METTL9: variants seen among roughly 807,000 people sequenced by gnomAD.
The protein encoded by METTL9 is protein-L-histidine N-pros-methyltransferase.
A neutral mutation model predicts 36.0 loss-of-function variants in METTL9; 10 were observed. That is an observed-to-expected ratio of 0.28 (90% CI 0.17 to 0.47). The LOEUF (loss-of-function observed/expected upper bound fraction) is 0.47, where lower values mean the gene tolerates loss of function less well. Among genes scored for constraint, METTL9 ranks in the 20% least tolerant of loss-of-function variants. The pLI is 0.99. For missense variants in METTL9, 246 were observed against 383.5 expected (o/e 0.64, Z 3.00); for synonymous variants, 175 against 149.7 (o/e 1.17, Z -1.23).
chr16:21,654,029 C>G (rs1159274169), intron 4 of METTL9: 1 of 141,588 alleles, frequency 7.1e-6, no homozygotes, highest in African/African-American at 2.7e-5. Flanking sequence ...TATTCTCAGT[C>G]TGTTTTGTTT....
At chr16:21,631,099 T>C (rs901889403) in intron 4 of METTL9, among the ~76,000 whole-genome samples, 1 of 152,160 alleles carries the variant, frequency 6.6e-6, no homozygotes, top group African/African-American at 2.4e-5. Context: ...GATTTTGTTA[T>C]TTCTTGCAAA....
chr16:21,656,504 T>C lies in METTL9; in HGVS notation c.*1072T>C, dbSNP rs1424254443. On this transcript the variant is annotated 3_prime_UTR_variant, in exon 5 of 5. Transcript: ENST00000358154. Reference sequence around the variant, plus strand: ...TGGAATCCGTGAGTGCCTCCAACCATAAACCCAGAAATGCTGCCATAGAGG... The same window carrying C: ...TGGAATCCGTGAGTGCCTCCAACCACAAACCCAGAAATGCTGCCATAGAGG... 6.6e-6 allele frequency: 1 copy of C among 152,100 alleles called. No homozygotes were observed. The highest frequency in any genetic ancestry group is 1.5e-5 in the Non-Finnish European group (1 of 68,018). The allele number at this position is 152,100 out of a possible 1,614,324, so 9.4% of individuals were successfully genotyped here.
intron 4 of METTL9, among the ~76,000 whole-genome samples, chr16:21,645,400 T>A (rs981341864): frequency 1.3e-4 from 20 of 152,028 alleles, no homozygotes; most frequent in African/African-American, 4.6e-4. Flanking sequence ...TTGGTTGCAG[T>A]GAGCTGAGAT....
chr16:21,635,235 G>C (rs990029866), intron 4 of METTL9, among the ~76,000 whole-genome samples: 6 of 152,112 alleles, frequency 3.9e-5, no homozygotes, highest in African/African-American at 1.4e-4. Flanking sequence ...CAGAGAGGGA[G>C]AAGGGGACAT....
rs143053648 is a variant in METTL9, at chr16:21,610,585, C to T, written c.166-2060C>T. Among the ~76,000 whole-genome samples the T allele has an allele frequency of 5.9e-4, 90 of 152,290 alleles. 1 individual carries two copies. In the East Asian group the frequency reaches 0.014, roughly 24 times the overall value. On this transcript the variant is annotated intron_variant, in intron 1 of 4. Transcript: ENST00000358154. ...TTTCTTTCCAGAAAGACCTGTGTGA[C>T]AGTAAGGGTTCAACCACACGTGTTA...
intron 4 of METTL9, among the ~76,000 whole-genome samples, chr16:21,635,054 G>T (rs1340243047): frequency 6.6e-6 from 1 of 151,998 alleles, no homozygotes; most frequent in South Asian, 2.1e-4. Context: ...CCAAACTCTC[G>T]GGCTGCAGCT....
At chr16:21,618,720 CTT>C (rs1335944712) in intron 3 of METTL9, among the ~76,000 whole-genome samples, 1 of 145,954 alleles carries the variant, frequency 6.9e-6, no homozygotes. Flanking sequence ...CTTTTCTTTT[CTT>C]TTTTTTTTTG....
intron 1 of METTL9, 116 bp downstream of exon 1, chr16:21,600,014 C>T: frequency 1.1e-6 from 1 of 927,936 alleles, no homozygotes; most frequent in South Asian, 5.4e-5. Flanking sequence ...CGCCCCTCCG[C>T]CTCGGCCCCT....
intron 4 of METTL9, chr16:21,652,689 C>T: frequency 1.1e-6 from 1 of 946,950 alleles, no homozygotes. Context: ...AAGAGAGGAA[C>T]CTCTTATGAA....
At chr16:21,647,393 G>T in intron 4 of METTL9, 1 of 1,614,118 alleles carries the variant, frequency 6.2e-7, no homozygotes, top group South Asian at 1.1e-5. Context: ...AGGGCATCCG[G>T]TTGCGGAGAA....
intron 3 of METTL9, among the ~76,000 whole-genome samples, chr16:21,622,037 T>G (rs183931517): frequency 3.4e-3 from 519 of 151,626 alleles, no homozygotes; most frequent in Non-Finnish European, 5.3e-3. Context: ...GAGATGGGGT[T>G]TCACTGTGTT....
chr16:21,639,811 C>T (rs1412273813), intron 4 of METTL9: 2 of 152,156 alleles, frequency 1.3e-5, no homozygotes, highest in Non-Finnish European at 2.9e-5. Flanking sequence ...TTTGATATCA[C>T]TGATTTAAAC....
At position 21,655,684 on chromosome 16, in the gene METTL9, C is replaced by G; in HGVS notation, c.*252C>G. On this transcript the variant is annotated 3_prime_UTR_variant, in exon 5 of 5. Transcript: ENST00000358154. ...CAGAGCCACTCTCCAATGCAGGTCA[C>G]ACTCCAATTATGATGGAAGATATTT... 1 of 417,052 alleles carries G rather than the reference C, an allele frequency of 2.4e-6. No individual in the cohort carries two copies. The highest frequency in any genetic ancestry group is 4.3e-6 in the Non-Finnish European group (1 of 233,896). The allele number at this position is 417,052 out of a possible 1,614,324, so 25.8% of individuals were successfully genotyped here.
intron 3 of METTL9, among the ~76,000 whole-genome samples, chr16:21,623,849 C>T (rs374922240): frequency 9.2e-5 from 14 of 152,114 alleles, no homozygotes; most frequent in African/African-American, 3.4e-4. Flanking sequence ...CGGCTCACTG[C>T]AGCCTCCGCC....
At chr16:21,603,965 TC>T (rs58348560) in intron 1 of METTL9, among the ~76,000 whole-genome samples, 3 of 152,060 alleles carry the variant, frequency 2.0e-5, no homozygotes. Flanking sequence ...TCCTTTTTTT[TC>T]CCCCAAATGA....
intron 3 of METTL9, among the ~76,000 whole-genome samples, chr16:21,619,895 A>G (rs1318114918): frequency 2.6e-5 from 4 of 152,150 alleles, no homozygotes; most frequent in Non-Finnish European, 4.4e-5. Context: ...AAATTATGTA[A>G]TCACTCACTT....
At position 21,612,623 on chromosome 16, in the gene METTL9, CTTTTTTTTTT is replaced by C; in HGVS notation, c.166-12_166-3del. ...TCGGTTGTGTGTTTTAATTTTTGTT[CTTTTTTTTTT>C]TTTTTTTTTAGTGGTATGTGTGCAA... On this transcript the variant is annotated splice_polypyrimidine_tract_variant and intron_variant, in intron 1 of 4. Transcript: ENST00000358154. 3.2e-6 allele frequency: 4 copies of C among 1,249,894 alleles called. No individual in the cohort carries two copies. Among genetic ancestry groups the C allele is most frequent in the East Asian group, 6.0e-5 (2 of 33,198 alleles). 77.4% of individuals were successfully genotyped at this position (1,249,894 alleles called of 1,614,324 possible).
At chr16:21,613,697 T>C (rs1283197903) in intron 2 of METTL9, among the ~76,000 whole-genome samples, 1 of 152,192 alleles carries the variant, frequency 6.6e-6, no homozygotes, top group African/African-American at 2.4e-5. Context: ...ATGGCTTATT[T>C]TGAGTGAAGA....
upstream of METTL9, chr16:21,598,025 A>C (rs1453744749): frequency 1.3e-5 from 2 of 152,238 alleles, no homozygotes; most frequent in Admixed American, 1.3e-4. Flanking sequence ...TGTTAGCCAA[A>C]GGTGCCAAGC....
Sources: gnomAD v4.1 joint callset for allele counts (sites outside exome capture counted in the v4.1 genomes callset) on GRCh38, gnomAD v4.1.1 for gene constraint, MANE v1.5 for transcripts, NCBI Gene and HGNC (gene_info 2026-07-23, HGNC 2026-07-21) for gene names.